MRC1: variants seen among roughly 807,000 people sequenced by gnomAD.
MRC1 encodes the protein macrophage mannose receptor 1.
A neutral mutation model predicts 102.9 loss-of-function variants in MRC1; 62 were observed. The ratio of observed to expected loss-of-function variants is 0.60; its 90% CI spans 0.49 to 0.74. The LOEUF (loss-of-function observed/expected upper bound fraction) is 0.74, where lower values mean the gene tolerates loss of function less well. MRC1 is among the 30% of genes least tolerant of loss of function. The pLI, the probability that MRC1 is intolerant of heterozygous loss-of-function variation, is 0.00. For missense variants in MRC1, 1,237 were observed against 862.8 expected, an observed-to-expected ratio of 1.43 and a Z score of -5.43; for synonymous variants, 457 against 298.4, an observed-to-expected ratio of 1.53 and a Z score of -5.48.
intron 24 of MRC1, 30 bp from the exon 25 acceptor site, chr10:17,900,758 G>T (rs1833818368): frequency 1.3e-6 from 1 of 780,618 alleles, no homozygotes; most frequent in South Asian, 1.3e-5. Context: ...AAGCAAGGCT[G>T]CATGTTAATG....
intron 23 of MRC1, 82 bp downstream of exon 23, chr10:17,894,394 CTT>C (rs34625338): frequency 0.021 from 8,189 of 387,574 alleles, no homozygotes; most frequent in East Asian, 0.042. Context: ...TTCTTTCTTT[CTT>C]TTTTTTTTTT....
rs950674487 is a variant in MRC1 at position 17,809,533 on chromosome 10, C to G, written c.61+7C>G. Reference sequence around the variant, plus strand: ...GGTGCTGTTCTCCTACTGGGTAAGTCTGCTCTGAGGCAGGGGATCTCTGAC... The same window carrying G: ...GGTGCTGTTCTCCTACTGGGTAAGTGTGCTCTGAGGCAGGGGATCTCTGAC... On this transcript the variant is annotated splice_region_variant and intron_variant, in intron 1 of 29. Coordinates refer to ENST00000569591, the MANE Select transcript of MRC1 (RefSeq NM_002438.4). The G allele has an allele frequency of 1.3e-5, 11 of 872,806 alleles. No individual in the cohort carries two copies. In the Admixed American group the frequency reaches 1.9e-4, roughly 15 times the overall value. 54.1% of individuals were successfully genotyped at this position (872,806 alleles called of 1,614,324 possible).
chr10:17,852,911 C>G (rs1454631974), intron 7 of MRC1, 56 bp from the exon 8 acceptor site: 1 of 780,386 alleles, frequency 1.3e-6, no homozygotes, highest in Non-Finnish European at 2.4e-6. Context: ...CCTTTTACCC[C>G]CCGACCTTTG....
At chr10:17,894,454 C>T in intron 23 of MRC1, 142 bp downstream of exon 23, 2 of 631,676 alleles carry the variant, frequency 3.2e-6, no homozygotes, top group East Asian at 2.8e-5. Context: ...GGCTGAAGTG[C>T]AGTGGTGTGA....
At chr10:17,900,131 G>A (rs980704428) in intron 24 of MRC1, among the ~76,000 whole-genome samples, 31 of 149,960 alleles carry the variant, frequency 2.1e-4, no homozygotes, top group African/African-American at 6.4e-4. Context: ...GAAATTGACT[G>A]TGCAAGTAGA....
Position 17,910,881 on chromosome 10 carries a change from T to A in MRC1, c.*416T>A, listed in dbSNP as rs941. 128,159 of 181,894 alleles carry A rather than the reference T, an allele frequency of 0.7. 46,010 individuals are homozygous for A. The highest frequency in any genetic ancestry group is 0.84 in the African/African-American group (35,046 of 41,752). The allele number at this position is 181,894 out of a possible 1,614,324, so 11.3% of individuals were successfully genotyped here. On this transcript the variant is annotated 3_prime_UTR_variant, in exon 30 of 30. Coordinates refer to ENST00000569591, the MANE Select transcript of MRC1 (RefSeq NM_002438.4). Reference sequence around the variant, plus strand: ...ACCATTTGAAAAGTCAGGTACAAATTTCCTCAAGTGGCATAAAAATGTAGT... The same window carrying A: ...ACCATTTGAAAAGTCAGGTACAAATATCCTCAAGTGGCATAAAAATGTAGT...
intron 23 of MRC1, among the ~76,000 whole-genome samples, chr10:17,895,434 A>G (rs1833741277): frequency 6.6e-6 from 1 of 151,794 alleles, no homozygotes; most frequent in Admixed American, 6.6e-5. Context: ...GAAATTTGGG[A>G]TATTTGCTTA....
At chr10:17,851,558 G>T (rs1838917084) in intron 7 of MRC1, among the ~76,000 whole-genome samples, 1 of 152,106 alleles carries the variant, frequency 6.6e-6, no homozygotes, top group Non-Finnish European at 1.5e-5. Context: ...ATTTTTCTAG[G>T]ATCAAGATTG....
chr10:17,886,336 C>T (rs935410405), intron 22 of MRC1, among the ~76,000 whole-genome samples: 26 of 149,714 alleles, frequency 1.7e-4, no homozygotes, highest in African/African-American at 5.9e-4. Context: ...TCCTTCCTTC[C>T]TTCTTCTTTC....
chr10:17,878,991 C>T (rs1833475535), intron 18 of MRC1, among the ~76,000 whole-genome samples: 1 of 152,106 alleles, frequency 6.6e-6, no homozygotes, highest in South Asian at 2.1e-4. Flanking sequence ...ATAAGTTTAG[C>T]CCACCTACAT....
chr10:17,869,279 T>G (rs1367803145), intron 12 of MRC1, among the ~76,000 whole-genome samples: 2 of 152,168 alleles, frequency 1.3e-5, no homozygotes, highest in East Asian at 3.8e-4. Context: ...TATATCACAG[T>G]CTAGCAAGTT....
At chr10:17,855,680 A>G (rs1427055853) in intron 8 of MRC1, among the ~76,000 whole-genome samples, 13 of 152,196 alleles carry the variant, frequency 8.5e-5, no homozygotes, top group African/African-American at 2.9e-4. Context: ...TCCTCTAAAC[A>G]ATGGCTTGGA....
At chr10:17,809,922 T>C (rs1416287068) in intron 1 of MRC1, among the ~76,000 whole-genome samples, 1 of 152,168 alleles carries the variant, frequency 6.6e-6, no homozygotes, top group Non-Finnish European at 1.5e-5. Context: ...TCTGAGTGTC[T>C]CTGGCTGGAA....
chr10:17,854,765 T>G lies in MRC1; in HGVS notation c.1408-1477T>G, dbSNP rs1052586399. On this transcript the variant is annotated intron_variant, in intron 8 of 29. Transcript: ENST00000569591. Reference sequence around the variant, plus strand: ...GTGCAATGGCACAATCTTGGCTCAATGCAACCTCTGCCTCGAGAGTTCAAG... The same window carrying G: ...GTGCAATGGCACAATCTTGGCTCAAGGCAACCTCTGCCTCGAGAGTTCAAG... 1.9e-4 allele frequency: 40 copies of G among 212,552 alleles called. 2 individuals carry two copies. In the South Asian group the frequency reaches 2.1e-3, roughly 11 times the overall value. 13.2% of individuals were successfully genotyped at this position (212,552 alleles called of 1,614,324 possible).
Position 17,885,292 on chromosome 10 carries a change from G to A in MRC1, c.3004G>A (p.Asp1002Asn), listed in dbSNP as rs1302086457. The change falls in exon 22 of 30, where the codon GAC (aspartate) becomes AAC (asparagine). Residue 1002 changes from aspartate to asparagine, a missense_variant. Coordinates refer to ENST00000569591, the MANE Select transcript of MRC1 (RefSeq NM_002438.4). ...AGCATTTCTTACCTATCACATGAAG[G>A]ACTCCACTTTCAGTGCCTGGACTGG... Reference protein sequence around the residue: ...EQAFLTYHMKDSTFSAWTGLN... With the variant: ...EQAFLTYHMKNSTFSAWTGLN... 1.3e-6 allele frequency: 1 copy of A among 780,624 alleles called. No homozygotes were observed. The allele number at this position is 780,624 out of a possible 1,614,324, so 48.4% of individuals were successfully genotyped here.
intron 23 of MRC1, among the ~76,000 whole-genome samples, chr10:17,897,743 C>A (rs1833775416): frequency 6.6e-6 from 1 of 152,100 alleles, no homozygotes; most frequent in African/African-American, 2.4e-5. Context: ...ATCAAGATAC[C>A]AGATTGGATT....
At chr10:17,838,391 G>T (rs1415880646) in intron 4 of MRC1, among the ~76,000 whole-genome samples, 1 of 152,052 alleles carries the variant, frequency 6.6e-6, no homozygotes, top group African/African-American at 2.4e-5. Context: ...ATGTTGGGAC[G>T]CTCTATGGAG....
At chr10:17,821,067 C>T (rs1838388042) in intron 1 of MRC1, among the ~76,000 whole-genome samples, 1 of 152,082 alleles carries the variant, frequency 6.6e-6, no homozygotes, top group Non-Finnish European at 1.5e-5. Context: ...GAACAGTTGT[C>T]AAGTGCAGAG....
intron 1 of MRC1, among the ~76,000 whole-genome samples, chr10:17,817,423 A>G (rs1838330305): frequency 6.6e-6 from 1 of 151,942 alleles, no homozygotes; most frequent in African/African-American, 2.4e-5. Context: ...TCTTTACTAA[A>G]TGTATTTTGA....
Sources: gnomAD v4.1 joint callset for allele counts (sites outside exome capture counted in the v4.1 genomes callset) on GRCh38, gnomAD v4.1.1 for gene constraint, MANE v1.5 for transcripts, NCBI Gene and HGNC (gene_info 2026-07-23, HGNC 2026-07-21) for gene names.